The following IQCH variants were observed in gnomAD, a reference collection of about 807,000 sequenced individuals.
IQCH encodes the protein IQ motif containing H, also known as IQ domain-containing protein H.
A neutral mutation model predicts 117.0 loss-of-function variants in IQCH; 98 were observed. The observed-to-expected ratio is 0.84, with a 90% CI of 0.71 to 0.99. IQCH has a LOEUF of 0.99. Ranked by LOEUF, IQCH falls within the 50% of genes least tolerant of loss-of-function variation. The probability of loss-of-function intolerance (pLI) is 0.00; values close to 1 mark genes in which losing one functional copy is unlikely to be tolerated. For synonymous variants in IQCH, 412 were observed against 448.2 expected, an observed-to-expected ratio of 0.92 and a Z score of 1.02; for missense variants, 1,102 against 1,243.8, an observed-to-expected ratio of 0.89 and a Z score of 1.72.
intron 4 of IQCH, among the ~76,000 whole-genome samples, chr15:67,293,146 G>A (rs1413701943): frequency 2.0e-5 from 3 of 152,166 alleles, no homozygotes; most frequent in Admixed American, 6.6e-5. Context: ...TGTACAGTGA[G>A]TGTTGTATAA....
intron 4 of IQCH, among the ~76,000 whole-genome samples, chr15:67,329,156 AG>A (rs1288684930): frequency 6.6e-6 from 1 of 152,014 alleles, no homozygotes; most frequent in Non-Finnish European, 1.5e-5. Flanking sequence ...AAAATTACCC[AG>A]GCCTGGTGGT....
intron 3 of IQCH, among the ~76,000 whole-genome samples, chr15:67,268,403 A>G (rs1359362125): frequency 6.6e-6 from 1 of 152,176 alleles, no homozygotes; most frequent in African/African-American, 2.4e-5. Context: ...ATGTCAAAGG[A>G]TAGTTCCTCC....
chr15:67,428,781 G>A (rs528939625), intron 16 of IQCH, among the ~76,000 whole-genome samples: 1 of 151,798 alleles, frequency 6.6e-6, no homozygotes, highest in African/African-American at 2.4e-5. Flanking sequence ...CCCGGGTGGT[G>A]GAGGTTGCAG....
chr15:67,454,248 G>A lies in IQCH; in HGVS notation c.2506-10879G>A, dbSNP rs1305906249. ...CTGCACCCACCATCCTGCGCCTACT[G>A]TCTGGCACTCCCCAGTGAGATGAAC... is the stretch of plus-strand genomic sequence containing the variant. On this transcript the variant is annotated intron_variant, in intron 16 of 20. Transcript: ENST00000335894. The surrounding 1 kb of genome is among the most constrained non-coding windows in gnomAD (Gnocchi z 5.2). Among the ~76,000 whole-genome samples, 2 of 152,146 alleles carry A rather than the reference G, an allele frequency of 1.3e-5. No homozygotes were observed. The highest frequency in any genetic ancestry group is 3.9e-4 in the East Asian group (2 of 5,192).
In IQCH at chr15:67,411,932, C is replaced by G. The variant is rs1318818097; in HGVS notation, c.2098-4999C>G. ...GAATCTCTGGGGTGCATCGGCCAGGCTGGTGGAGCCCCATGCTTTCTGCAG... is the reference window on the plus strand; with the variant it reads ...GAATCTCTGGGGTGCATCGGCCAGGGTGGTGGAGCCCCATGCTTTCTGCAG... On this transcript the variant is annotated intron_variant, in intron 14 of 20. Transcript: ENST00000335894. This position sits in a 1 kb window ranked among gnomAD's most constrained non-coding sequence, Gnocchi z 4.4. Among the ~76,000 whole-genome samples, 2 of 152,208 alleles carry G rather than the reference C, an allele frequency of 1.3e-5. No individual in the cohort carries two copies. Among genetic ancestry groups the G allele is most frequent in the Admixed American group, 1.3e-4 (2 of 15,278 alleles).
intron 4 of IQCH, among the ~76,000 whole-genome samples, chr15:67,296,833 G>C (rs1234380695): frequency 6.6e-6 from 1 of 152,182 alleles, no homozygotes; most frequent in East Asian, 1.9e-4. Flanking sequence ...TGGCAAAGTA[G>C]TGACAATATC....
intron 18 of IQCH, among the ~76,000 whole-genome samples, chr15:67,488,172 G>T (rs969341550): frequency 6.6e-6 from 1 of 152,206 alleles, no homozygotes; most frequent in Admixed American, 6.5e-5. Flanking sequence ...ACAAAACTTA[G>T]CTGGGTGTGG....
At chr15:67,261,800 A>C (rs1458224789) in intron 2 of IQCH, among the ~76,000 whole-genome samples, 1 of 152,212 alleles carries the variant, frequency 6.6e-6, no homozygotes, top group Non-Finnish European at 1.5e-5. Context: ...AAAAGAGAAG[A>C]GTTGGCTGGG....
intron 4 of IQCH, among the ~76,000 whole-genome samples, chr15:67,281,007 G>A (rs554307445): frequency 6.6e-5 from 10 of 152,056 alleles, no homozygotes; most frequent in Non-Finnish European, 8.8e-5. Context: ...CACCACGCCC[G>A]GCTAATTTTT....
At chr15:67,297,541 A>T (rs1201272810) in intron 4 of IQCH, among the ~76,000 whole-genome samples, 1 of 152,186 alleles carries the variant, frequency 6.6e-6, no homozygotes, top group Non-Finnish European at 1.5e-5. Flanking sequence ...TCAATGGTTC[A>T]GCACCATAGT....
At position 67,361,777 on chromosome 15, in the gene IQCH, G is replaced by A. The variant is rs183205450; in HGVS notation, c.753+1892G>A. Among the ~76,000 whole-genome samples, 942 of 152,202 alleles carry A rather than the reference G, an allele frequency of 6.2e-3. 13 individuals are homozygous for A. Among genetic ancestry groups the A allele is most frequent in the African/African-American group, 0.019 (808 of 41,526 alleles). ...GTCAGTCAGGCTTTGCACAGGATCCGAAGAATAAAAAATGATAGTAGAGTT... is the reference window on the plus strand; with the variant it reads ...GTCAGTCAGGCTTTGCACAGGATCCAAAGAATAAAAAATGATAGTAGAGTT... On this transcript the variant is annotated intron_variant, in intron 8 of 20. Coordinates refer to ENST00000335894, the MANE Select transcript of IQCH (RefSeq NM_001031715.3).
intron 3 of IQCH, among the ~76,000 whole-genome samples, chr15:67,267,940 C>T (rs1335634983): frequency 1.3e-5 from 2 of 152,128 alleles, no homozygotes; most frequent in African/African-American, 2.4e-5. Flanking sequence ...TCATAACACC[C>T]TTGACAGTTT....
intron 4 of IQCH, among the ~76,000 whole-genome samples, chr15:67,313,745 G>T (rs1967712919): frequency 6.6e-6 from 1 of 152,128 alleles, no homozygotes; most frequent in Non-Finnish European, 1.5e-5. Flanking sequence ...TTTCAGTCAG[G>T]ATCATAGAAG....
Position 67,493,934 on chromosome 15 carries a change from T to C in IQCH, c.2862-324T>C, listed in dbSNP as rs2083733505. Among the ~76,000 whole-genome samples the C allele has an allele frequency of 6.6e-6, 1 of 152,216 alleles. No homozygotes were observed. Among genetic ancestry groups the C allele is most frequent in the African/African-American group, 2.4e-5 (1 of 41,466 alleles). The stretch of plus-strand genomic sequence containing the variant: ...TTTGGTTTTCTGTCCTTGCGATAGT[T>C]TGCTGAGAATGATGGGCTTAAACCA... On this transcript the variant is annotated intron_variant, in intron 19 of 20. Coordinates refer to ENST00000335894, the MANE Select transcript of IQCH (RefSeq NM_001031715.3). This position sits in a 1 kb window ranked among gnomAD's most constrained non-coding sequence, Gnocchi z 5.1.
rs1160118641 is a variant in IQCH, at chr15:67,408,324, A to G, written c.2097+8019A>G. The G allele has an allele frequency of 1.3e-5, 2 of 152,198 alleles. No homozygotes were observed. The highest frequency in any genetic ancestry group is 2.1e-4 in the South Asian group (1 of 4,826). 9.4% of individuals were successfully genotyped at this position (152,198 alleles called of 1,614,324 possible). A position where few individuals can be genotyped will look rare whatever the true frequency, so the allele number is the denominator to read the frequency against. On this transcript the variant is annotated intron_variant, in intron 14 of 20. Coordinates refer to ENST00000335894, the MANE Select transcript of IQCH (RefSeq NM_001031715.3). This position sits in a 1 kb window ranked among gnomAD's most constrained non-coding sequence, Gnocchi z 4.2. ...ACTCTCCTCTGACGGTGACTGCGCC[A>G]TTTGCTTCTGGTCGTCTGTCCTTGG...
chr15:67,317,223 A>T (rs28430597), intron 4 of IQCH, among the ~76,000 whole-genome samples: 1 of 151,800 alleles, frequency 6.6e-6, no homozygotes, highest in East Asian at 1.9e-4. Flanking sequence ...TTTTATTTTT[A>T]TTTTTTTGAG....
In IQCH at chr15:67,340,426, C is replaced by CAAAAAAAAAAAAAAAA. The variant is rs57244130; in HGVS notation, c.508+3354_508+3369dup. On this transcript the variant is annotated intron_variant, in intron 5 of 20. Coordinates refer to ENST00000335894, the MANE Select transcript of IQCH (RefSeq NM_001031715.3). ...TGGGCAACAGAGAGATACTCCATCT[C>CAAAAAAAAAAAAAAAA]AAAAAAAAAAAAAAAAAAAAAAAAA... 3.4e-4 allele frequency among the ~76,000 whole-genome samples: 21 copies of CAAAAAAAAAAAAAAAA among 62,658 alleles called. 1 individual carries two copies. The highest frequency in any genetic ancestry group is 5.8e-4 in the African/African-American group (9 of 15,444). The allele number at this position is 62,658 out of a possible 152,430, so 41.1% of individuals were successfully genotyped here.
At chr15:67,380,956 T>C (rs968337724) in intron 10 of IQCH, among the ~76,000 whole-genome samples, 1 of 152,226 alleles carries the variant, frequency 6.6e-6, no homozygotes, top group South Asian at 2.1e-4. Flanking sequence ...CTGCCTTGAA[T>C]ACCATTATAA....
rs948635801 is a variant in IQCH at position 67,391,337 on chromosome 15, A to C, written c.1632+2331A>C. Among the ~76,000 whole-genome samples, 1 of 152,178 alleles carries C rather than the reference A, an allele frequency of 6.6e-6. No homozygotes were observed. The highest frequency in any genetic ancestry group is 1.5e-5 in the Non-Finnish European group (1 of 68,030). ...CTCACTTTCAAATCAGTTCTTGTTCATGTTTGGTAGTTGCTTTATTTGTTG... is the reference window on the plus strand; with the variant it reads ...CTCACTTTCAAATCAGTTCTTGTTCCTGTTTGGTAGTTGCTTTATTTGTTG... On this transcript the variant is annotated intron_variant, in intron 12 of 20. Coordinates refer to ENST00000335894, the MANE Select transcript of IQCH (RefSeq NM_001031715.3). This position sits in a 1 kb window ranked among gnomAD's most constrained non-coding sequence, Gnocchi z 4.3.
Sources: allele counts gnomAD v4.1 joint callset (sites outside exome capture counted in the v4.1 genomes callset), GRCh38; gene constraint gnomAD v4.1.1; non-coding constraint Gnocchi (gnomAD v3.1); transcripts MANE v1.5; gene names NCBI Gene and HGNC (gene_info 2026-07-23, HGNC 2026-07-21).